Variants in CACNA2D1 observed in about 807,000 individuals in gnomAD.
The protein encoded by CACNA2D1 is voltage-dependent calcium channel subunit alpha-2/delta-1.
CACNA2D1 carries 53 observed loss-of-function variants against 171.5 expected under a neutral mutation model. The observed-to-expected ratio is 0.31, with a 90% CI of 0.25 to 0.39. The LOEUF (loss-of-function observed/expected upper bound fraction) is 0.39, where lower values mean the gene tolerates loss of function less well. Among genes scored for constraint, CACNA2D1 ranks in the 10% least tolerant of loss-of-function variants. The pLI, the probability that CACNA2D1 is intolerant of heterozygous loss-of-function variation, is 1.00. For synonymous variants in CACNA2D1, 442 were observed against 443.1 expected, an observed-to-expected ratio of 1.00 and a Z score of 0.03; for missense variants, 903 against 1,299.8, an observed-to-expected ratio of 0.69 and a Z score of 4.69.
At chr7:82,425,203 C>T (rs1286017297) in intron 1 of CACNA2D1, among the ~76,000 whole-genome samples, 2 of 152,068 alleles carry the variant, frequency 1.3e-5, no homozygotes, top group Non-Finnish European at 2.9e-5. Flanking sequence ...GGTATTGAGC[C>T]CCCTTTCTGA....
At chr7:82,055,950 T>TATATATATATATATATAA in intron 10 of CACNA2D1, among the ~76,000 whole-genome samples, 1 of 94,976 alleles carries the variant, frequency 1.1e-5, no homozygotes, top group East Asian at 3.2e-4. Flanking sequence ...ATATATATAA[T>TATATATATATATATATAA]TTTTTAAAAA....
chr7:82,203,241 C>T lies in CACNA2D1; in HGVS notation c.295-32632G>A, dbSNP rs115713179. Among the ~76,000 whole-genome samples, 978 of 152,162 alleles carry T rather than the reference C, an allele frequency of 6.4e-3. 14 individuals carry two copies. Among genetic ancestry groups the T allele is most frequent in the African/African-American group, 0.022 (914 of 41,516 alleles). On this transcript the variant is annotated intron_variant, in intron 3 of 38. Coordinates refer to ENST00000356860, the MANE Select transcript of CACNA2D1 (RefSeq NM_000722.4). ...GTGCTGGTGCTGGTAGACACCAGCACGGATACATTCTGGAAGTAAATATTT... is the reference window on the plus strand; with the variant it reads ...GTGCTGGTGCTGGTAGACACCAGCATGGATACATTCTGGAAGTAAATATTT...
chr7:81,950,538 A>G (rs754726272), intron 38 of CACNA2D1, 30 bp from the exon 39 acceptor site: 1 of 1,587,518 alleles, frequency 6.3e-7, no homozygotes, highest in Non-Finnish European at 8.6e-7. Context: ...AAAAGAACAG[A>G]AAAAGAAAAA....
At chr7:82,234,507 C>T (rs967968264) in intron 3 of CACNA2D1, among the ~76,000 whole-genome samples, 3 of 152,006 alleles carry the variant, frequency 2.0e-5, no homozygotes, top group Admixed American at 6.6e-5. Context: ...ATTAAATAAG[C>T]AACTGATGTC....
chr7:82,421,409 G>T (rs1345920972), intron 1 of CACNA2D1, among the ~76,000 whole-genome samples: 1 of 152,136 alleles, frequency 6.6e-6, no homozygotes, highest in East Asian at 1.9e-4. Context: ...ATTTATCTGT[G>T]CTAATAAACT....
At chr7:82,260,474 C>A (rs2129331057) in intron 3 of CACNA2D1, among the ~76,000 whole-genome samples, 1 of 152,254 alleles carries the variant, frequency 6.6e-6, no homozygotes, top group Non-Finnish European at 1.5e-5. Flanking sequence ...TCATAATGAG[C>A]ATGTAATTCA....
intron 3 of CACNA2D1, among the ~76,000 whole-genome samples, chr7:82,189,804 T>C (rs1231965447): frequency 1.3e-5 from 2 of 151,868 alleles, no homozygotes; most frequent in Admixed American, 1.3e-4. Context: ...CACTGACTTT[T>C]TTACCAGGCT....
At chr7:82,423,278 G>A (rs1489270366) in intron 1 of CACNA2D1, among the ~76,000 whole-genome samples, 4 of 151,940 alleles carry the variant, frequency 2.6e-5, no homozygotes, top group Non-Finnish European at 1.5e-5. Context: ...ATGCATTAAT[G>A]TTTTTATCTT....
At chr7:82,429,935 T>C (rs1216529422) in intron 1 of CACNA2D1, among the ~76,000 whole-genome samples, 1 of 152,194 alleles carries the variant, frequency 6.6e-6, no homozygotes, top group Admixed American at 6.5e-5. Flanking sequence ...GCCTCCATTG[T>C]GCCCATCTTC....
intron 10 of CACNA2D1, among the ~76,000 whole-genome samples, chr7:82,046,023 A>T (rs1215065549): frequency 6.6e-6 from 1 of 152,210 alleles, no homozygotes; most frequent in Non-Finnish European, 1.5e-5. Context: ...TTCCTACTGC[A>T]GTAACTTTAG....
chr7:82,386,155 C>T (rs1278663337), intron 1 of CACNA2D1, among the ~76,000 whole-genome samples: 1 of 152,108 alleles, frequency 6.6e-6, no homozygotes, highest in Non-Finnish European at 1.5e-5. Flanking sequence ...AAGTAAGCAG[C>T]AATTCTGCCT....
intron 1 of CACNA2D1, among the ~76,000 whole-genome samples, chr7:82,385,655 G>GTTTT (rs1271298854): frequency 6.6e-6 from 1 of 151,662 alleles, no homozygotes; most frequent in African/African-American, 2.4e-5. Context: ...TGGTTGTTTT[G>GTTTT]TTTTGTTTTG....
intron 3 of CACNA2D1, among the ~76,000 whole-genome samples, chr7:82,248,903 G>A (rs1233561925): frequency 2.6e-5 from 4 of 152,038 alleles, no homozygotes; most frequent in Admixed American, 1.3e-4. Flanking sequence ...GGATCATGAG[G>A]TCAGAAGATC....
chr7:81,977,771 A>G (rs1437665329), intron 24 of CACNA2D1, among the ~76,000 whole-genome samples: 1 of 152,236 alleles, frequency 6.6e-6, no homozygotes, highest in Admixed American at 6.5e-5. Context: ...GTTTCTGCAC[A>G]GCAAAAGAAA....
In CACNA2D1 at chr7:82,443,444, G is replaced by C. The variant is rs759900497; in HGVS notation, c.16C>G (p.Leu6Val). 3 of 1,607,864 alleles carry C rather than the reference G, an allele frequency of 1.9e-6. No individual in the cohort carries two copies. Among genetic ancestry groups the C allele is most frequent in the Non-Finnish European group, 2.5e-6 (3 of 1,176,816 alleles). MAAGC[L>V]LALTLTLFQS... ...AAAAGTGTCAGAGTCAAGGCCAGCA[G>C]GCAGCCAGCAGCCATCTTCGCGATC... The change falls in exon 1 of 39, where the codon CTG becomes GTG. Residue 6 changes from leucine to valine, a missense_variant. Around this residue, in one of 5 missense-constraint regions of CACNA2D1, gnomAD observed 41 missense variants for 27.6 expected, o/e 1.49. Transcript: ENST00000356860.
intron 12 of CACNA2D1, among the ~76,000 whole-genome samples, chr7:82,030,419 CA>C (rs1802540297): frequency 7.0e-6 from 1 of 143,522 alleles, no homozygotes; most frequent in African/African-American, 2.6e-5. Context: ...AAAAAAAAAA[CA>C]AAAAACACCA....
Position 82,047,212 on chromosome 7 carries a change from A to G in CACNA2D1, c.880-8977T>C, listed in dbSNP as rs554039482. Among the ~76,000 whole-genome samples, 198 of 152,256 alleles carry G rather than the reference A, an allele frequency of 1.3e-3. 1 individual carries two copies. The highest frequency in any genetic ancestry group is 4.5e-3 in the African/African-American group (188 of 41,548). ...CAGGTACAATAACCTTATCAGTATT[A>G]TTTCCATTACAAATGTTTTTTGCAT... On this transcript the variant is annotated intron_variant, in intron 10 of 38. Transcript: ENST00000356860.
intron 12 of CACNA2D1, among the ~76,000 whole-genome samples, chr7:82,032,563 T>C (rs987753203): frequency 6.6e-6 from 1 of 151,828 alleles, no homozygotes; most frequent in African/African-American, 2.4e-5. Flanking sequence ...ATAGGACCCA[T>C]ACATATACTT....
intron 3 of CACNA2D1, among the ~76,000 whole-genome samples, chr7:82,294,766 T>C (rs1414970958): frequency 2.0e-5 from 3 of 152,156 alleles, no homozygotes; most frequent in Non-Finnish European, 4.4e-5. Context: ...GTATCAATCT[T>C]ATCATTCTGA....
Sources: gnomAD v4.1 joint callset for allele counts (sites outside exome capture counted in the v4.1 genomes callset) on GRCh38, gnomAD v4.1.1 for gene constraint, gnomAD v4.1.1 regional missense constraint, MANE v1.5 for transcripts, NCBI Gene and HGNC (gene_info 2026-07-23, HGNC 2026-07-21) for gene names.